The following NRG1 variants were observed in gnomAD, a reference collection of about 807,000 sequenced individuals.
NRG1 encodes pro-neuregulin-1, membrane-bound isoform.
NRG1 carries 18 observed loss-of-function variants against 63.8 expected under a neutral mutation model. The observed-to-expected ratio is 0.28, with a 90% confidence interval of 0.19 to 0.42. NRG1 has a LOEUF of 0.42. Among genes scored for constraint, NRG1 ranks in the 10% least tolerant of loss-of-function variants. NRG1 has a pLI of 1.00. For missense variants in NRG1, 762 were observed against 814.7 expected (o/e 0.94, Z 0.79); for synonymous variants, 302 against 301.3 (o/e 1.00, Z -0.02).
intron 1 of NRG1, among the ~76,000 whole-genome samples, chr8:32,217,200 T>A (rs1845324022): frequency 8.6e-6 from 1 of 116,642 alleles, no homozygotes; most frequent in Admixed American, 1.1e-4. Context: ...GGTAAGAGAG[T>A]GAGACCCTGT....
At chr8:32,673,890 A>T (rs78524999) in intron 5 of NRG1, among the ~76,000 whole-genome samples, 2,534 of 152,276 alleles carry the variant, frequency 0.017, 72 homozygotes, top group African/African-American at 0.057. Flanking sequence ...TTTTACTTAG[A>T]AATTTAAGGT....
intron 1 of NRG1, among the ~76,000 whole-genome samples, chr8:32,503,712 G>C (rs902739782): frequency 6.6e-6 from 1 of 152,144 alleles, no homozygotes; most frequent in Non-Finnish European, 1.5e-5. Flanking sequence ...CGGGTATGCA[G>C]CATCCTTACA....
Position 32,410,582 on chromosome 8 carries a change from C to G in NRG1, c.38-185246C>G, listed in dbSNP as rs57807871. ...TAGAAAGGTGCATGATTCTTGCCCA[C>G]TGAATTCCACTTTCAGCACATGACC... On this transcript the variant is annotated intron_variant, in intron 1 of 10. Coordinates refer to the NRG1 transcript ENST00000519301. 6.1e-3 allele frequency among the ~76,000 whole-genome samples: 925 copies of G among 152,302 alleles called. 12 individuals are homozygous for G. Among genetic ancestry groups the G allele is most frequent in the African/African-American group, 0.021 (887 of 41,562 alleles).
rs184042158 is a variant in NRG1 at position 31,906,660 on chromosome 8, T to C, written c.37+267229T>C. Among the ~76,000 whole-genome samples, 76 of 152,264 alleles carry C rather than the reference T, an allele frequency of 5.0e-4. 1 individual carries two copies. Among genetic ancestry groups the C allele is most frequent in the African/African-American group, 1.6e-3 (66 of 41,568 alleles). Reference sequence around the variant, plus strand: ...TTTAATGTGAGGAAAAACTCCCCTGTGTATAAAAACAAAATAATCATTCAC... The same window carrying C: ...TTTAATGTGAGGAAAAACTCCCCTGCGTATAAAAACAAAATAATCATTCAC... On this transcript the variant is annotated intron_variant, in intron 1 of 10. Coordinates refer to the NRG1 transcript ENST00000519301.
chr8:32,283,538 G>T (rs992760394), intron 1 of NRG1, among the ~76,000 whole-genome samples: 3 of 152,038 alleles, frequency 2.0e-5, no homozygotes, highest in African/African-American at 7.2e-5. Flanking sequence ...ATATATTTGG[G>T]GCTCAACTCT....
At chr8:31,817,864 T>A (rs970393907) in intron 1 of NRG1, among the ~76,000 whole-genome samples, 4 of 152,240 alleles carry the variant, frequency 2.6e-5, no homozygotes, top group African/African-American at 9.6e-5. Context: ...ACTTTTGAAT[T>A]ATACCTCTTA....
chr8:32,763,444 T>C (rs1831077027), intron 11 of NRG1: 1 of 1,411,384 alleles, frequency 7.1e-7, no homozygotes, highest in East Asian at 2.3e-5. Flanking sequence ...CAGGACCTAA[T>C]GCCTTCTTGT....
intron 1 of NRG1, among the ~76,000 whole-genome samples, chr8:32,423,476 T>C (rs958958626): frequency 2.6e-5 from 4 of 152,008 alleles, no homozygotes; most frequent in African/African-American, 9.7e-5. Flanking sequence ...AAATCTTGTC[T>C]CTACAAAAAA....
Position 32,651,736 on chromosome 8 carries a change from A to T in NRG1, c.502+34851A>T, listed in dbSNP as rs146218645. Among the ~76,000 whole-genome samples the T allele has an allele frequency of 3.8e-3, 576 of 152,328 alleles. 3 individuals are homozygous for T. Among genetic ancestry groups the T allele is most frequent in the African/African-American group, 0.013 (541 of 41,590 alleles). ...CAGTAACCATTTGCAAAAGATCAAC[A>T]TGATGAGTTGGATATACCATAGGAT... On this transcript the variant is annotated intron_variant, in intron 5 of 11. Coordinates refer to ENST00000356819, the Ensembl canonical transcript of NRG1.
At chr8:31,713,055 A>G (rs1811963307) in intron 1 of NRG1, among the ~76,000 whole-genome samples, 1 of 150,240 alleles carries the variant, frequency 6.7e-6, no homozygotes, top group South Asian at 2.1e-4. Flanking sequence ...TCTAGTCTAA[A>G]CTGTATTTAG....
intron 1 of NRG1, among the ~76,000 whole-genome samples, chr8:32,496,477 C>T (rs1368279487): frequency 6.6e-6 from 1 of 152,052 alleles, no homozygotes. Context: ...GTAGTCTCAC[C>T]TACTTGGGAA....
chr8:32,437,381 C>T (rs1039069760), intron 1 of NRG1, among the ~76,000 whole-genome samples: 1 of 152,122 alleles, frequency 6.6e-6, no homozygotes, highest in African/African-American at 2.4e-5. Flanking sequence ...AAGTCTATTA[C>T]TAAGGAAGTA....
chr8:31,900,580 A>T (rs1285144929), intron 1 of NRG1, among the ~76,000 whole-genome samples: 1 of 152,196 alleles, frequency 6.6e-6, no homozygotes, highest in Non-Finnish European at 1.5e-5. Context: ...ATCAGCCATG[A>T]TCAAATAAAT....
chr8:32,077,426 A>G (rs1826758695), intron 1 of NRG1, among the ~76,000 whole-genome samples: 2 of 152,198 alleles, frequency 1.3e-5, no homozygotes, highest in Non-Finnish European at 2.9e-5. Flanking sequence ...ACTTACCTGC[A>G]TTTCTGAAGC....
At chr8:32,688,930 T>C (rs1810876381) in intron 5 of NRG1, among the ~76,000 whole-genome samples, 1 of 152,208 alleles carries the variant, frequency 6.6e-6, no homozygotes, top group African/African-American at 2.4e-5. Flanking sequence ...GTTCTTATAT[T>C]GCCTAGGCTC....
intron 1 of NRG1, among the ~76,000 whole-genome samples, chr8:32,197,958 GCACACACACGCATGCACGCGCA>G (rs1271163966): frequency 6.6e-6 from 1 of 151,410 alleles, no homozygotes; most frequent in Admixed American, 6.6e-5. Flanking sequence ...AAGCGCATGT[GCACACACACGCATGCACGCGCA>G]CACACACACA....
chr8:32,565,283 T>C (rs1416775908), intron 1 of NRG1, among the ~76,000 whole-genome samples: 2 of 152,182 alleles, frequency 1.3e-5, no homozygotes, highest in African/African-American at 4.8e-5. Flanking sequence ...TTCCCTCTTT[T>C]TGGAATTTTC....
chr8:32,273,625 C>T (rs953522607), intron 1 of NRG1, among the ~76,000 whole-genome samples: 4 of 152,156 alleles, frequency 2.6e-5, no homozygotes, highest in African/African-American at 4.8e-5. Flanking sequence ...CGTTGAGTCA[C>T]TGGACACATT....
chr8:31,872,363 A>G (rs1227564816), intron 1 of NRG1, among the ~76,000 whole-genome samples: 1 of 152,116 alleles, frequency 6.6e-6, no homozygotes, highest in African/African-American at 2.4e-5. Flanking sequence ...TGTTCCAACT[A>G]CATCAGAAAC....
Sources: gnomAD v4.1 joint callset for allele counts (sites outside exome capture counted in the v4.1 genomes callset) on GRCh38, gnomAD v4.1.1 for gene constraint, MANE v1.5 for transcripts, NCBI Gene and HGNC (gene_info 2026-07-23, HGNC 2026-07-21) for gene names.